The following ROBO1 variants were observed in gnomAD, a reference collection of about 807,000 sequenced individuals.
ROBO1 encodes roundabout homolog 1.
Under a neutral mutation model 195.9 loss-of-function variants are expected in ROBO1, and 149 were observed. The ratio of observed to expected loss-of-function variants is 0.76; its 90% CI spans 0.67 to 0.87. The LOEUF (loss-of-function observed/expected upper bound fraction) is 0.87. Ranked by LOEUF, ROBO1 falls within the 40% of genes least tolerant of loss-of-function variation. The pLI is 0.00. For missense variants in ROBO1, 1,933 were observed against 2,068.3 expected (o/e 0.93, Z 1.27); for synonymous variants, 816 against 733.2 (o/e 1.11, Z -1.82).
At chr3:79,564,281 GTA>G (rs1335699109) in intron 2 of ROBO1, among the ~76,000 whole-genome samples, 9 of 152,102 alleles carry the variant, frequency 5.9e-5, no homozygotes, top group Non-Finnish European at 1.2e-4. Flanking sequence ...ACCTAAGAGT[GTA>G]GGCTAGCCAT....
intron 1 of ROBO1, among the ~76,000 whole-genome samples, chr3:79,746,237 A>G (rs927426258): frequency 6.6e-6 from 1 of 152,082 alleles, no homozygotes; most frequent in Non-Finnish European, 1.5e-5. Context: ...GATGTGATTA[A>G]CATATCCTCT....
At chr3:78,671,203 G>C (rs529568082) in intron 10 of ROBO1, among the ~76,000 whole-genome samples, 21 of 151,870 alleles carry the variant, frequency 1.4e-4, no homozygotes, top group Admixed American at 6.6e-4. Context: ...TTTTTTAGGG[G>C]AAAACATAGA....
At chr3:79,692,166 G>T (rs957390097) in intron 1 of ROBO1, among the ~76,000 whole-genome samples, 2 of 151,720 alleles carry the variant, frequency 1.3e-5, no homozygotes, top group African/African-American at 4.8e-5. Context: ...CAAGAGAGAA[G>T]GTGGAATGTT....
chr3:79,259,101 C>A (rs574234531), intron 2 of ROBO1, among the ~76,000 whole-genome samples: 4 of 152,090 alleles, frequency 2.6e-5, no homozygotes, highest in African/African-American at 9.6e-5. Context: ...TTCCCTCAAT[C>A]ATTTAAATAA....
intron 4 of ROBO1, among the ~76,000 whole-genome samples, chr3:78,935,078 A>AAT (rs1406277850): frequency 2.6e-5 from 4 of 152,122 alleles, no homozygotes; most frequent in African/African-American, 9.6e-5. Context: ...GAAAGAACAT[A>AAT]ATATATTGAA....
At chr3:79,673,238 ATGT>A (rs778993015) in intron 1 of ROBO1, among the ~76,000 whole-genome samples, 16 of 151,986 alleles carry the variant, frequency 1.1e-4, no homozygotes, top group Non-Finnish European at 7.4e-5. Flanking sequence ...ATTAGTGATA[ATGT>A]TGTTTTAATC....
intron 4 of ROBO1, among the ~76,000 whole-genome samples, chr3:78,860,816 C>A (rs1263188681): frequency 6.6e-6 from 1 of 152,132 alleles, no homozygotes; most frequent in Non-Finnish European, 1.5e-5. Flanking sequence ...AGAGAGGAAA[C>A]TTTCCCACCT....
intron 1 of ROBO1, among the ~76,000 whole-genome samples, chr3:79,713,463 T>A (rs1702355075): frequency 6.6e-6 from 1 of 152,104 alleles, no homozygotes; most frequent in African/African-American, 2.4e-5. Context: ...TGGAAGGAGT[T>A]GACTCTAACC....
chr3:78,985,413 C>T (rs188317628), intron 3 of ROBO1, among the ~76,000 whole-genome samples: 67 of 152,176 alleles, frequency 4.4e-4, no homozygotes, highest in African/African-American at 1.4e-3. Flanking sequence ...ATTGGTAAGG[C>T]TTCCAGTCAA....
intron 2 of ROBO1, among the ~76,000 whole-genome samples, chr3:79,169,172 A>T (rs909316551): frequency 1.3e-5 from 2 of 152,194 alleles, no homozygotes; most frequent in Admixed American, 1.3e-4. Context: ...GGATCTCTTC[A>T]AGAGTACATA....
At chr3:79,048,115 A>G (rs1305971424) in intron 3 of ROBO1, among the ~76,000 whole-genome samples, 1 of 152,066 alleles carries the variant, frequency 6.6e-6, no homozygotes, top group African/African-American at 2.4e-5. Flanking sequence ...CAACCTTCCC[A>G]AGACACAGTT....
intron 4 of ROBO1, among the ~76,000 whole-genome samples, chr3:78,931,510 T>C (rs2039532367): frequency 1.3e-5 from 2 of 152,024 alleles, no homozygotes; most frequent in African/African-American, 2.4e-5. Context: ...CCTCCCAAAG[T>C]GCTGGGATTA....
chr3:79,163,182 G>C (rs905090262), intron 2 of ROBO1, among the ~76,000 whole-genome samples: 1 of 151,952 alleles, frequency 6.6e-6, no homozygotes, highest in Non-Finnish European at 1.5e-5. Flanking sequence ...CTCCATTGCT[G>C]CCTCCCCACA....
intron 2 of ROBO1, among the ~76,000 whole-genome samples, chr3:79,532,632 T>TAA (rs11457488): frequency 2.6e-5 from 4 of 151,832 alleles, no homozygotes; most frequent in Non-Finnish European, 2.9e-5. Context: ...CACATATTAT[T>TAA]AAAAAAATCA....
chr3:79,759,738 T>C (rs1184933398), intron 1 of ROBO1, among the ~76,000 whole-genome samples: 2 of 152,196 alleles, frequency 1.3e-5, no homozygotes, highest in Non-Finnish European at 2.9e-5. Flanking sequence ...ATTGTGATGA[T>C]TCAGTGAGAT....
At chr3:79,093,620 A>G (rs963126464) in intron 3 of ROBO1, among the ~76,000 whole-genome samples, 12 of 152,062 alleles carry the variant, frequency 7.9e-5, no homozygotes, top group African/African-American at 2.9e-4. Context: ...TGCCCTTAAT[A>G]TATCATTGTC....
intron 1 of ROBO1, among the ~76,000 whole-genome samples, chr3:79,716,712 C>G (rs1421342982): frequency 6.6e-6 from 1 of 151,828 alleles, no homozygotes; most frequent in Non-Finnish European, 1.5e-5. Context: ...ACCAGCTGCA[C>G]AAGAAATGGA....
At chr3:79,203,967 T>C in intron 2 of ROBO1, among the ~76,000 whole-genome samples, 1 of 152,188 alleles carries the variant, frequency 6.6e-6, no homozygotes, top group Non-Finnish European at 1.5e-5. Flanking sequence ...TTATTTTCAT[T>C]TCTTATTTTA....
intron 2 of ROBO1, among the ~76,000 whole-genome samples, chr3:79,166,238 C>T (rs1189583017): frequency 6.6e-6 from 1 of 152,072 alleles, no homozygotes; most frequent in Non-Finnish European, 1.5e-5. Flanking sequence ...TAATCTAATG[C>T]CTATAGCCAA....
Sources: allele counts gnomAD v4.1 joint callset (sites outside exome capture counted in the v4.1 genomes callset), GRCh38; gene constraint gnomAD v4.1.1; transcripts MANE v1.5; gene names NCBI Gene and HGNC (gene_info 2026-07-23, HGNC 2026-07-21).